Variants in SCN8A observed in about 807,000 individuals in gnomAD.
SCN8A encodes the protein sodium channel protein type 8 subunit alpha.
In SCN8A, 30 loss-of-function variants were observed where a neutral mutation model predicts 184.1. That is an observed-to-expected ratio of 0.16 (90% CI 0.12 to 0.22). The LOEUF (loss-of-function observed/expected upper bound fraction) is 0.22. Among genes scored for constraint, SCN8A ranks in the 10% least tolerant of loss-of-function variants. The probability of loss-of-function intolerance (pLI) is 1.00; values close to 1 mark genes in which losing one functional copy is unlikely to be tolerated. For missense variants in SCN8A, 1,057 were observed against 2,498.9 expected (o/e 0.42, Z 12.30); for synonymous variants, 852 against 907.0 (o/e 0.94, Z 1.09).
chr12:51,728,984 C>T (rs1942198431), intron 12 of SCN8A, among the ~76,000 whole-genome samples: 1 of 152,150 alleles, frequency 6.6e-6, no homozygotes, highest in Admixed American at 6.6e-5. Flanking sequence ...ACTCCTCTGC[C>T]TGCCTTTGAG....
chr12:51,610,416 T>G (rs1375830089), intron 1 of SCN8A, among the ~76,000 whole-genome samples: 1 of 152,174 alleles, frequency 6.6e-6, no homozygotes, highest in Non-Finnish European at 1.5e-5. Context: ...CATCGTGCAT[T>G]TGTTGCCTGT....
chr12:51,696,956 T>C (rs192011189), intron 6 of SCN8A, among the ~76,000 whole-genome samples: 1 of 151,276 alleles, frequency 6.6e-6, no homozygotes, highest in East Asian at 1.9e-4. Flanking sequence ...GGAGAATCGC[T>C]TGAACCCAGA....
rs960842187 is a variant in SCN8A, at chr12:51,616,286, A to C, written c.-55+24927A>C. 2.6e-5 allele frequency among the ~76,000 whole-genome samples: 4 copies of C among 152,268 alleles called. No homozygotes were observed. In the South Asian group the frequency reaches 8.3e-4, roughly 32 times the overall value. On this transcript the variant is annotated intron_variant, in intron 1 of 26. Coordinates refer to ENST00000627620, the MANE Select transcript of SCN8A (RefSeq NM_001330260.2). ...TTTTAAAAATATTTTCACTAGATAT[A>C]CAATTCTGGGTTGACATTTGTTTCT...
intron 21 of SCN8A, 146 bp downstream of exon 21, chr12:51,780,917 C>G: frequency 9.5e-7 from 1 of 1,050,568 alleles, no homozygotes; most frequent in Non-Finnish European, 1.2e-6. Context: ...TCCCCCACAC[C>G]TGCCCCGTGC....
chr12:51,745,844 C>A, intron 12 of SCN8A, 59 bp from the exon 13 acceptor site: 1 of 1,416,140 alleles, frequency 7.1e-7, no homozygotes. Flanking sequence ...AAGTAAGGCC[C>A]AGATTTACCT....
intron 1 of SCN8A, among the ~76,000 whole-genome samples, chr12:51,600,099 T>A (rs995682096): frequency 6.6e-6 from 1 of 152,228 alleles, no homozygotes; most frequent in Non-Finnish European, 1.5e-5. Context: ...CTTTTAATGT[T>A]ATTTCTTGTA....
chr12:51,650,241 A>C (rs574054532), intron 1 of SCN8A, among the ~76,000 whole-genome samples: 1 of 152,248 alleles, frequency 6.6e-6, no homozygotes, highest in African/African-American at 2.4e-5. Flanking sequence ...GGAAGCTCCA[A>C]ACTTTCCCAC....
intron 12 of SCN8A, among the ~76,000 whole-genome samples, chr12:51,735,096 A>T (rs1413756727): frequency 6.6e-6 from 1 of 152,118 alleles, no homozygotes; most frequent in African/African-American, 2.4e-5. Flanking sequence ...ACAAATCCTT[A>T]TGTTTAGCTC....
At chr12:51,804,219 T>G (rs1938628036) in intron 26 of SCN8A, among the ~76,000 whole-genome samples, 1 of 152,198 alleles carries the variant, frequency 6.6e-6, no homozygotes. Flanking sequence ...TGGACGAATA[T>G]AACTAGAAAA....
rs368839549 is a variant in SCN8A, at chr12:51,656,260, GA to G, written c.-54-6497del. On this transcript the variant is annotated intron_variant, in intron 1 of 26. Coordinates refer to ENST00000627620, the MANE Select transcript of SCN8A (RefSeq NM_001330260.2). ...TGCTGGGTCAATTATATAACCACAG[GA>G]AAAAAATGAACCTTGTCCTCCACTT... 1.0e-3 allele frequency among the ~76,000 whole-genome samples: 157 copies of G among 152,094 alleles called. 3 individuals are homozygous for G. The South Asian group carries it at 0.027, about 26-fold the overall frequency.
At chr12:51,712,063 A>T (rs1941887018) in intron 11 of SCN8A, among the ~76,000 whole-genome samples, 1 of 152,218 alleles carries the variant, frequency 6.6e-6, no homozygotes, top group South Asian at 2.1e-4. Flanking sequence ...AGAAAAACTG[A>T]ACTACATAAA....
At chr12:51,772,344 G>A (rs562028595) in intron 19 of SCN8A, among the ~76,000 whole-genome samples, 2 of 151,050 alleles carry the variant, frequency 1.3e-5, no homozygotes, top group East Asian at 3.9e-4. Flanking sequence ...GCAGTGTGCC[G>A]AGATTGCACC....
chr12:51,805,473 T>C (rs1039569063), intron 26 of SCN8A, among the ~76,000 whole-genome samples: 2 of 151,556 alleles, frequency 1.3e-5, no homozygotes, highest in South Asian at 4.2e-4. Flanking sequence ...TTCCTAACCA[T>C]AGTAGGAAAT....
At chr12:51,773,678 T>TG (rs1480547643) in intron 19 of SCN8A, among the ~76,000 whole-genome samples, 1 of 152,232 alleles carries the variant, frequency 6.6e-6, no homozygotes, top group Non-Finnish European at 1.5e-5. Context: ...AATGAAAGCA[T>TG]GTCTACCTAA....
intron 15 of SCN8A, among the ~76,000 whole-genome samples, chr12:51,764,776 CTT>C (rs1197098413): frequency 1.4e-5 from 2 of 143,090 alleles, no homozygotes; most frequent in African/African-American, 2.5e-5. Flanking sequence ...AGGCTCTTTT[CTT>C]TTTTTTTTTT....
At chr12:51,753,367 G>A (rs948521535) in intron 14 of SCN8A, among the ~76,000 whole-genome samples, 1 of 152,148 alleles carries the variant, frequency 6.6e-6, no homozygotes, top group African/African-American at 2.4e-5. Context: ...ATGGTGCCTC[G>A]ATGTGGGGGT....
chr12:51,680,327 C>T (rs1295803069), intron 2 of SCN8A, among the ~76,000 whole-genome samples: 1 of 152,124 alleles, frequency 6.6e-6, no homozygotes, highest in Non-Finnish European at 1.5e-5. Flanking sequence ...CTTAGTAAAG[C>T]CTTCTGCTTA....
chr12:51,710,678 A>ACAAAAC (rs1941859959), intron 11 of SCN8A, among the ~76,000 whole-genome samples: 2 of 152,288 alleles, frequency 1.3e-5, no homozygotes, highest in Admixed American at 1.3e-4. Flanking sequence ...AAGAACAAAA[A>ACAAAAC]CAAACCAAAA....
intron 1 of SCN8A, among the ~76,000 whole-genome samples, chr12:51,615,924 G>T (rs866259596): frequency 6.6e-6 from 1 of 152,026 alleles, no homozygotes; most frequent in Non-Finnish European, 1.5e-5. Context: ...AGAGATGAGG[G>T]TCTGACTGTG....
Sources: gnomAD v4.1 joint callset for allele counts (sites outside exome capture counted in the v4.1 genomes callset) on GRCh38, gnomAD v4.1.1 for gene constraint, MANE v1.5 for transcripts, NCBI Gene and HGNC (gene_info 2026-07-23, HGNC 2026-07-21) for gene names.